Variants in ASAP1 observed in about 807,000 individuals in gnomAD.
ASAP1 encodes the protein ArfGAP with SH3 domain, ankyrin repeat and PH domain 1.
Under a neutral mutation model 145.2 loss-of-function variants are expected in ASAP1, and 43 were observed. The observed-to-expected ratio is 0.30, with a 90% CI of 0.23 to 0.38. The LOEUF is 0.38. Ranked by LOEUF, ASAP1 falls within the 10% of genes least tolerant of loss-of-function variation. The probability of loss-of-function intolerance (pLI) is 1.00; values close to 1 mark genes in which losing one functional copy is unlikely to be tolerated. For missense variants in ASAP1, 1,018 were observed against 1,355.3 expected, an observed-to-expected ratio of 0.75 and a Z score of 3.91; for synonymous variants, 546 against 515.5, an observed-to-expected ratio of 1.06 and a Z score of -0.80.
chr8:130,303,788 TA>T (rs1822820493), intron 3 of ASAP1, among the ~76,000 whole-genome samples: 2 of 152,224 alleles, frequency 1.3e-5, no homozygotes, highest in African/African-American at 4.8e-5. Flanking sequence ...GAGAGACGAC[TA>T]GGTGGACCAC....
At chr8:130,308,425 T>A (rs16904244) in intron 3 of ASAP1, among the ~76,000 whole-genome samples, 1 of 152,230 alleles carries the variant, frequency 6.6e-6, no homozygotes, top group African/African-American at 2.4e-5. Flanking sequence ...TATGTCTGTA[T>A]ACAAAAATAA....
chr8:130,257,748 T>C (rs1013572591), intron 3 of ASAP1, among the ~76,000 whole-genome samples: 1 of 151,242 alleles, frequency 6.6e-6, no homozygotes, highest in African/African-American at 2.4e-5. Context: ...AATGTTTCTT[T>C]AACACAATAT....
At chr8:130,193,418 T>A (rs1169164217) in intron 5 of ASAP1, among the ~76,000 whole-genome samples, 1 of 151,806 alleles carries the variant, frequency 6.6e-6, no homozygotes, top group Non-Finnish European at 1.5e-5. Context: ...CAAAAAACTC[T>A]CTGCTTTAAT....
intron 3 of ASAP1, among the ~76,000 whole-genome samples, chr8:130,317,723 CA>C (rs1452751657): frequency 6.6e-6 from 1 of 152,190 alleles, no homozygotes; most frequent in Non-Finnish European, 1.5e-5. Context: ...GCGTTTGTTT[CA>C]CTAGTGCTAA....
intron 3 of ASAP1, among the ~76,000 whole-genome samples, chr8:130,299,986 T>C (rs942734578): frequency 6.6e-6 from 1 of 151,888 alleles, no homozygotes; most frequent in African/African-American, 2.4e-5. Flanking sequence ...ATATGCAGGA[T>C]ATGGAAGTTA....
At chr8:130,277,136 G>GT (rs1422273986) in intron 3 of ASAP1, among the ~76,000 whole-genome samples, 2 of 152,126 alleles carry the variant, frequency 1.3e-5, no homozygotes, top group Non-Finnish European at 2.9e-5. Flanking sequence ...GAATCTCCTA[G>GT]TTGATTACGA....
At chr8:130,368,176 G>A (rs1032838219) in intron 2 of ASAP1, among the ~76,000 whole-genome samples, 1 of 152,142 alleles carries the variant, frequency 6.6e-6, no homozygotes, top group African/African-American at 2.4e-5. Context: ...TCTGGCCTTA[G>A]AGGTTGAGAG....
At chr8:130,056,358 C>T (rs1283113414) in intron 29 of ASAP1, among the ~76,000 whole-genome samples, 1 of 152,190 alleles carries the variant, frequency 6.6e-6, no homozygotes, top group Non-Finnish European at 1.5e-5. Flanking sequence ...TACCCCTGGG[C>T]CTCCCCAGGC....
At chr8:130,110,443 G>C (rs2097544780) in intron 24 of ASAP1, among the ~76,000 whole-genome samples, 1 of 152,216 alleles carries the variant, frequency 6.6e-6, no homozygotes, top group Admixed American at 6.5e-5. Context: ...GGTGCAGAAA[G>C]AGAATCTCTG....
chr8:130,117,057 A>G (rs1009612244), intron 20 of ASAP1, 62 bp from the exon 21 acceptor site: 22 of 1,195,594 alleles, frequency 1.8e-5, no homozygotes, highest in Non-Finnish European at 2.3e-5. Context: ...ACTATAGATT[A>G]GCCACTTATT....
chr8:130,321,045 C>T (rs1191289391), intron 3 of ASAP1, among the ~76,000 whole-genome samples: 1 of 152,136 alleles, frequency 6.6e-6, no homozygotes, highest in East Asian at 1.9e-4. Context: ...CTGAGGAAAC[C>T]TAAGGATCCT....
intron 24 of ASAP1, among the ~76,000 whole-genome samples, chr8:130,099,093 C>T (rs1338464749): frequency 4.0e-5 from 6 of 150,646 alleles, no homozygotes; most frequent in African/African-American, 1.5e-4. Context: ...TCACTGCAGC[C>T]TCAACTTCCG....
At chr8:130,260,066 A>G (rs1244970265) in intron 3 of ASAP1, among the ~76,000 whole-genome samples, 1 of 152,178 alleles carries the variant, frequency 6.6e-6, no homozygotes, top group Non-Finnish European at 1.5e-5. Context: ...TCATTTATAC[A>G]TTGTCCAGTT....
intron 4 of ASAP1, among the ~76,000 whole-genome samples, chr8:130,219,765 C>A (rs1565103067): frequency 6.6e-6 from 1 of 152,188 alleles, no homozygotes; most frequent in Non-Finnish European, 1.5e-5. Flanking sequence ...GCATCCACGA[C>A]ATTGTTGCAG....
At chr8:130,403,774 G>A (rs1471342408) in intron 1 of ASAP1, among the ~76,000 whole-genome samples, 2 of 151,840 alleles carry the variant, frequency 1.3e-5, no homozygotes, top group African/African-American at 2.4e-5. Context: ...GGCTGGTCTC[G>A]AACTCCTGAC....
intron 25 of ASAP1, among the ~76,000 whole-genome samples, chr8:130,087,484 C>T (rs1285696213): frequency 6.6e-6 from 1 of 152,116 alleles, no homozygotes; most frequent in Non-Finnish European, 1.5e-5. Context: ...TGCACCACTG[C>T]ATTCCAGCCT....
At chr8:130,122,514 A>T (rs1324187417) in intron 18 of ASAP1, among the ~76,000 whole-genome samples, 1 of 152,194 alleles carries the variant, frequency 6.6e-6, no homozygotes, top group Non-Finnish European at 1.5e-5. Context: ...TACAGCACTA[A>T]CTATAGACCA....
At chr8:130,398,345 T>C (rs1028212004) in intron 2 of ASAP1, among the ~76,000 whole-genome samples, 1 of 152,182 alleles carries the variant, frequency 6.6e-6, no homozygotes, top group Admixed American at 6.5e-5. Context: ...CTGACTCTTA[T>C]CTTCTATTGG....
intron 3 of ASAP1, among the ~76,000 whole-genome samples, chr8:130,302,013 C>G (rs1565188019): frequency 6.6e-6 from 1 of 152,184 alleles, no homozygotes; most frequent in African/African-American, 2.4e-5. Context: ...TTGGTAAGTA[C>G]TCAACTACTA....
Sources: gnomAD v4.1 joint callset for allele counts (sites outside exome capture counted in the v4.1 genomes callset) on GRCh38, gnomAD v4.1.1 for gene constraint, MANE v1.5 for transcripts, NCBI Gene and HGNC (gene_info 2026-07-23, HGNC 2026-07-21) for gene names.